Variants in RBFOX1 observed in about 807,000 individuals in gnomAD.
RBFOX1 encodes the protein RNA binding fox-1 homolog 1.
In RBFOX1, 8 loss-of-function variants were observed where a neutral mutation model predicts 57.7. The ratio of observed to expected loss-of-function variants is 0.14; its 90% CI spans 0.08 to 0.25. The LOEUF (loss-of-function observed/expected upper bound fraction) is 0.25. RBFOX1 is among the 10% of genes least tolerant of loss of function. The probability of loss-of-function intolerance (pLI) is 1.00; values close to 1 mark genes in which losing one functional copy is unlikely to be tolerated. For synonymous variants in RBFOX1, 326 were observed against 222.4 expected, an observed-to-expected ratio of 1.47 and a Z score of -4.15; for missense variants, 611 against 548.5, an observed-to-expected ratio of 1.11 and a Z score of -1.14.
intron 4 of RBFOX1, among the ~76,000 whole-genome samples, chr16:7,234,697 A>G (rs1465932354): frequency 6.7e-6 from 1 of 148,406 alleles, no homozygotes; most frequent in Non-Finnish European, 1.5e-5. Context: ...ATGTATATAT[A>G]TATGTTATAT....
intron 3 of RBFOX1, among the ~76,000 whole-genome samples, chr16:6,948,864 A>G (rs1236529918): frequency 6.6e-6 from 1 of 152,128 alleles, no homozygotes; most frequent in Non-Finnish European, 1.5e-5. Context: ...CCGTCTATAA[A>G]CCGATTACAG....
At chr16:5,769,673 G>A (rs1373066494) in intron 3 of RBFOX1, among the ~76,000 whole-genome samples, 1 of 151,982 alleles carries the variant, frequency 6.6e-6, no homozygotes, top group African/African-American at 2.4e-5. Flanking sequence ...GAGAAATTTG[G>A]ACACAAACAA....
chr16:5,824,238 C>T (rs2055957408), intron 3 of RBFOX1, among the ~76,000 whole-genome samples: 1 of 152,206 alleles, frequency 6.6e-6, no homozygotes, highest in Non-Finnish European at 1.5e-5. Context: ...TGCGCCAGGT[C>T]CCTGTTATTT....
At chr16:5,301,618 C>CAAAAAAAAAA (rs60501583) in intron 1 of RBFOX1, among the ~76,000 whole-genome samples, 1 of 87,050 alleles carries the variant, frequency 1.1e-5, no homozygotes, top group Non-Finnish European at 2.1e-5. Context: ...GTCTCCATCT[C>CAAAAAAAAAA]AAAAAAAAAA....
intron 1 of RBFOX1, among the ~76,000 whole-genome samples, chr16:6,198,843 A>G (rs1052425388): frequency 1.3e-5 from 2 of 152,162 alleles, no homozygotes; most frequent in Non-Finnish European, 2.9e-5. Flanking sequence ...TTTATAGAGT[A>G]CACCATCAAG....
chr16:7,467,747 CATGCA>C (rs1249364948), intron 4 of RBFOX1, among the ~76,000 whole-genome samples: 4 of 152,232 alleles, frequency 2.6e-5, no homozygotes, highest in Non-Finnish European at 4.4e-5. Context: ...CCATGGTGCA[CATGCA>C]ACGTCTTCCC....
At chr16:5,497,622 C>CAAAAAAAAAAAAAAAAGAAAAA (rs2043045556) in intron 2 of RBFOX1, among the ~76,000 whole-genome samples, 2 of 53,430 alleles carry the variant, frequency 3.7e-5, no homozygotes, top group African/African-American at 2.2e-4. Flanking sequence ...ACTAAAAATA[C>CAAAAAAAAAAAAAAAAGAAAAA]AAAAAAAAAA....
intron 3 of RBFOX1, among the ~76,000 whole-genome samples, chr16:5,745,699 T>C (rs148007074): frequency 0.15 from 22,100 of 152,244 alleles, 1,773 homozygotes; most frequent in African/African-American, 0.19. Context: ...CCAGTGATGA[T>C]GAGCATTTTT....
Position 6,209,506 on chromosome 16 carries a change from C to T in RBFOX1, c.-126-107489C>T, listed in dbSNP as rs185161109. On this transcript the variant is annotated intron_variant, in intron 1 of 15. Transcript: ENST00000550418. The stretch of plus-strand genomic sequence containing the variant: ...CACGTAACCTCTCCGGTATCAGGGG[C>T]CAAGGCCAAGCAGGCAATTTGCAGA... Among the ~76,000 whole-genome samples the T allele has an allele frequency of 3.8e-3, 584 of 152,320 alleles. 2 individuals are homozygous for T. Among genetic ancestry groups the T allele is most frequent in the African/African-American group, 0.011 (447 of 41,562 alleles).
At chr16:6,609,991 G>C (rs779040965) in intron 2 of RBFOX1, among the ~76,000 whole-genome samples, 3 of 147,256 alleles carry the variant, frequency 2.0e-5, no homozygotes, top group Admixed American at 6.9e-5. Flanking sequence ...CCTGGCAGTA[G>C]TGTGAGGCTC....
At chr16:7,489,162 C>G (rs751787521) in intron 4 of RBFOX1, among the ~76,000 whole-genome samples, 2 of 152,172 alleles carry the variant, frequency 1.3e-5, no homozygotes, top group Non-Finnish European at 2.9e-5. Context: ...CTCTGTTTCA[C>G]TGTTTGTCCT....
intron 4 of RBFOX1, among the ~76,000 whole-genome samples, chr16:7,410,050 A>C (rs1021420458): frequency 2.7e-5 from 4 of 148,610 alleles, no homozygotes; most frequent in African/African-American, 7.3e-5. Flanking sequence ...GCTGCATCTT[A>C]CATTGGAGTC....
rs1363924658 is a variant in RBFOX1, at chr16:5,830,467, A to G, written c.319-36836A>G. On this transcript the variant is annotated intron_variant, in intron 3 of 19. Transcript: ENST00000641259. ...CAGACTCGCCACTGAGGGAAAGAGG[A>G]TTGTATAGAGGCCGGGACTGTGGGG... Among the ~76,000 whole-genome samples the G allele has an allele frequency of 2.6e-5, 4 of 151,004 alleles. No individual in the cohort carries two copies. In the South Asian group the frequency reaches 8.5e-4, roughly 32 times the overall value.
chr16:6,868,071 G>T (rs1002418025), intron 3 of RBFOX1, among the ~76,000 whole-genome samples: 1 of 152,128 alleles, frequency 6.6e-6, no homozygotes. Flanking sequence ...TTTGCCGTAT[G>T]GGTGTTGAGA....
rs143115548 is a variant in RBFOX1, at chr16:5,823,087, T to A, written c.319-44216T>A. Among the ~76,000 whole-genome samples, 71 of 152,304 alleles carry A rather than the reference T, an allele frequency of 4.7e-4. 1 individual carries two copies. The highest frequency in any genetic ancestry group is 1.7e-3 in the African/African-American group (71 of 41,562). ...GCCACTGCTGTACCCCATTTGGAAC[T>A]TTTCCCTCTTAGCGTATTAAACCCT... On this transcript the variant is annotated intron_variant, in intron 3 of 19. Transcript: ENST00000641259.
Position 5,471,712 on chromosome 16 carries a change from C to G in RBFOX1, c.258+4458C>G, listed in dbSNP as rs539564328. ...TCGTGGGACCTCGGGAGTATTTACA[C>G]CTGCTCTGAGCCCAAGCTTCAGTGG... On this transcript the variant is annotated intron_variant, in intron 2 of 2. Transcript: ENST00000585867. 1.2e-3 allele frequency among the ~76,000 whole-genome samples: 178 copies of G among 152,320 alleles called. 1 individual carries two copies. Among genetic ancestry groups the G allele is most frequent in the African/African-American group, 3.8e-3 (156 of 41,578 alleles).
chr16:6,964,393 G>C (rs901335443), intron 3 of RBFOX1, among the ~76,000 whole-genome samples: 5 of 152,072 alleles, frequency 3.3e-5, no homozygotes. Context: ...TTATATATTG[G>C]TCTCAACCCA....
At chr16:5,815,156 ATTTTTTT>A (rs71142650) in intron 3 of RBFOX1, among the ~76,000 whole-genome samples, 10 of 114,210 alleles carry the variant, frequency 8.8e-5, no homozygotes, top group Admixed American at 5.0e-4. Flanking sequence ...ATTTAATTTA[ATTTTTTT>A]TTTTTTTTTT....
At chr16:5,635,842 T>G (rs2048666637) in intron 3 of RBFOX1, among the ~76,000 whole-genome samples, 1 of 152,134 alleles carries the variant, frequency 6.6e-6, no homozygotes, top group Non-Finnish European at 1.5e-5. Flanking sequence ...TTGATTTCTA[T>G]CATGCATTCC....
Sources: allele counts gnomAD v4.1 joint callset (sites outside exome capture counted in the v4.1 genomes callset), GRCh38; gene constraint gnomAD v4.1.1; transcripts MANE v1.5; gene names NCBI Gene and HGNC (gene_info 2026-07-23, HGNC 2026-07-21).